Variants in ABL2 observed in about 807,000 individuals in gnomAD.
The protein encoded by ABL2 is tyrosine-protein kinase ABL2.
A neutral mutation model predicts 107.7 loss-of-function variants in ABL2; 49 were observed. That is an observed-to-expected ratio of 0.45 (90% CI 0.36 to 0.58). The LOEUF is 0.58. Among genes scored for constraint, ABL2 ranks in the 20% least tolerant of loss-of-function variants. The pLI, the probability that ABL2 is intolerant of heterozygous loss-of-function variation, is 0.00. For synonymous variants in ABL2, 549 were observed against 548.6 expected (o/e 1.00, Z -0.01); for missense variants, 1,245 against 1,457.0 (o/e 0.85, Z 2.37).
chr1:179,201,957 G>C, intron 1 of ABL2: 1 of 1,161,684 alleles, frequency 8.6e-7, no homozygotes, highest in South Asian at 3.1e-5. Context: ...CCCCAGCCAG[G>C]GCTCAATCTC....
At chr1:179,133,232 T>A in intron 2 of ABL2, 80 bp downstream of exon 2, 1 of 1,585,494 alleles carries the variant, frequency 6.3e-7, no homozygotes, top group Non-Finnish European at 8.6e-7. Flanking sequence ...TGGTTCCATT[T>A]ATTTTCAAAT....
At chr1:179,144,759 CA>C (rs1657874457) in intron 1 of ABL2, among the ~76,000 whole-genome samples, 1 of 152,032 alleles carries the variant, frequency 6.6e-6, no homozygotes, top group African/African-American at 2.4e-5. Flanking sequence ...CTTTCAACAT[CA>C]AGGGACAAAT....
chr1:179,124,239 T>C (rs1655511605), intron 4 of ABL2, among the ~76,000 whole-genome samples: 1 of 146,660 alleles, frequency 6.8e-6, no homozygotes, highest in Non-Finnish European at 1.5e-5. Context: ...AGACTCCATC[T>C]CAAAAGAAAA....
chr1:179,110,688 CA>C, intron 10 of ABL2: 1 of 1,583,122 alleles, frequency 6.3e-7, no homozygotes. Flanking sequence ...TGTAGCATGC[CA>C]ACGTGTGAAT....
At chr1:179,133,514 C>T in intron 1 of ABL2, 140 bp from the exon 2 acceptor site, 1 of 1,325,112 alleles carries the variant, frequency 7.5e-7, no homozygotes, top group Non-Finnish European at 1.0e-6. Context: ...TCGCCTCTCC[C>T]TACTCCATAC....
Position 179,118,685 on chromosome 1 carries a change from T to C in ABL2, c.1125A>G (p.Glu375=), listed in dbSNP as rs1170527911. The change falls in exon 7 of 12, where the codon GAA becomes GAG. Residue 375 remains glutamate, a synonymous_variant. Coordinates refer to ENST00000502732, the MANE Select transcript of ABL2 (RefSeq NM_007314.4). The stretch of plus-strand genomic sequence containing the variant: ...CTGCAGTCACCTCTTCTCGGTTGCA[T>C]TCTCGGAGGTAATCCAGCAAATTCC... ...PYGNLLDYLR[E]CNREEVTAVV... is the part of the protein sequence containing the mutation. The C allele has an allele frequency of 1.2e-6, 2 of 1,614,108 alleles. No individual in the cohort carries two copies. The highest frequency in any genetic ancestry group is 1.3e-5 in the African/African-American group (1 of 75,020).
chr1:179,139,120 G>A (rs940257819), intron 1 of ABL2, among the ~76,000 whole-genome samples: 3 of 152,138 alleles, frequency 2.0e-5, no homozygotes, highest in Non-Finnish European at 2.9e-5. Context: ...CAACCCACTC[G>A]GGTCCCCTTC....
At chr1:179,185,723 C>A (rs958349449) in intron 1 of ABL2, among the ~76,000 whole-genome samples, 3 of 151,880 alleles carry the variant, frequency 2.0e-5, no homozygotes, top group African/African-American at 7.3e-5. Context: ...GGTAGCTGTA[C>A]ATAAAGATTA....
At chr1:179,148,469 T>C (rs1658156019) in intron 1 of ABL2, among the ~76,000 whole-genome samples, 1 of 152,202 alleles carries the variant, frequency 6.6e-6, no homozygotes, top group Admixed American at 6.5e-5. Context: ...ATCTTTGATG[T>C]CACTACTGTC....
At chr1:179,120,160 G>T in intron 6 of ABL2, 30 bp downstream of exon 6, 1 of 1,470,842 alleles carries the variant, frequency 6.8e-7, no homozygotes, top group Non-Finnish European at 9.3e-7. Flanking sequence ...ATTTTTGGAG[G>T]AAATCTATGG....
chr1:179,176,044 C>A (rs1168803235), intron 1 of ABL2, among the ~76,000 whole-genome samples: 1 of 151,792 alleles, frequency 6.6e-6, no homozygotes, highest in African/African-American at 2.4e-5. Flanking sequence ...TTAGTAGACA[C>A]GGGTTTTCAC....
chr1:179,110,170 C>A (rs990398143), intron 11 of ABL2, 112 bp downstream of exon 11: 7 of 1,316,444 alleles, frequency 5.3e-6, no homozygotes, highest in Non-Finnish European at 7.5e-6. Flanking sequence ...AAAGAGACGC[C>A]ATGCTTTCCC....
At position 179,141,115 on chromosome 1, in the gene ABL2, CA is replaced by C. The variant is rs34158477; in HGVS notation, c.158-7742del. 8.1e-3 allele frequency among the ~76,000 whole-genome samples: 511 copies of C among 62,922 alleles called. 2 individuals carry two copies. The highest frequency in any genetic ancestry group is 0.02 in the Middle Eastern group (2 of 98). The allele number at this position is 62,922 out of a possible 152,430, so 41.3% of individuals were successfully genotyped here. ...TGGGTGACAAAGCAAGACTCTGTCT[CA>C]AAAAAAAAAAAAAAAAAAAAATTAA... On this transcript the variant is annotated intron_variant, in intron 1 of 11. Coordinates refer to ENST00000502732, the MANE Select transcript of ABL2 (RefSeq NM_007314.4).
At chr1:179,177,309 C>T (rs548680710) in intron 1 of ABL2, among the ~76,000 whole-genome samples, 2 of 152,208 alleles carry the variant, frequency 1.3e-5, no homozygotes, top group Admixed American at 1.3e-4. Flanking sequence ...TCCAAAGATG[C>T]CCCGAGATTC....
intron 1 of ABL2, 33 bp downstream of exon 1, chr1:179,229,208 C>CCCCCCCCCCCCAA: frequency 5.4e-6 from 8 of 1,488,044 alleles, no homozygotes; most frequent in East Asian, 2.8e-5. Context: ...CGGCCTCCCC[C>CCCCCCCCCCCCAA]ACGCTCTCAT....
chr1:179,136,325 A>G (rs1414687056), intron 1 of ABL2, among the ~76,000 whole-genome samples: 1 of 151,740 alleles, frequency 6.6e-6, no homozygotes, highest in Non-Finnish European at 1.5e-5. Flanking sequence ...CTGTGTAGAA[A>G]GAGGTAGACA....
intron 1 of ABL2, among the ~76,000 whole-genome samples, chr1:179,226,043 CAAAAA>C (rs1194438803): frequency 1.6e-3 from 71 of 45,686 alleles, no homozygotes; most frequent in African/African-American, 6.1e-3. Flanking sequence ...GACTCCGCCT[CAAAAA>C]AAAAAAAAAA....
chr1:179,223,934 CA>C (rs1265960733), intron 1 of ABL2, among the ~76,000 whole-genome samples: 1 of 143,472 alleles, frequency 7.0e-6, no homozygotes, highest in African/African-American at 2.6e-5. Flanking sequence ...TCAAAACCAC[CA>C]TGGGCAACAT....
chr1:179,208,075 T>C (rs952165822), intron 1 of ABL2, among the ~76,000 whole-genome samples: 7 of 152,126 alleles, frequency 4.6e-5, no homozygotes, highest in African/African-American at 9.7e-5. Flanking sequence ...GGCACAAAAA[T>C]AGTACACGAA....
Sources: gnomAD v4.1 joint callset for allele counts (sites outside exome capture counted in the v4.1 genomes callset) on GRCh38, gnomAD v4.1.1 for gene constraint, MANE v1.5 for transcripts, NCBI Gene and HGNC (gene_info 2026-07-23, HGNC 2026-07-21) for gene names.